The following MERTK variants were observed in gnomAD, a reference collection of about 807,000 sequenced individuals.
MERTK encodes the protein MER proto-oncogene, tyrosine kinase.
Under a neutral mutation model 99.3 loss-of-function variants are expected in MERTK, and 69 were observed. The observed-to-expected ratio is 0.70, with a 90% CI of 0.57 to 0.85. MERTK has a LOEUF of 0.85. Among genes scored for constraint, MERTK ranks in the 40% least tolerant of loss-of-function variants. The probability of loss-of-function intolerance (pLI) is 0.00; values close to 1 mark genes in which losing one functional copy is unlikely to be tolerated. For synonymous variants in MERTK, 426 were observed against 467.6 expected (o/e 0.91, Z 1.15); for missense variants, 1,125 against 1,249.4 (o/e 0.90, Z 1.50).
chr2:111,933,015 C>T (rs1016253366), intron 2 of MERTK, among the ~76,000 whole-genome samples: 6 of 152,134 alleles, frequency 3.9e-5, no homozygotes, highest in African/African-American at 7.2e-5. Context: ...TAGATTTAGG[C>T]GGTTTTTAAT....
At chr2:112,014,211 C>T (rs893872702) in intron 15 of MERTK, among the ~76,000 whole-genome samples, 14 of 152,094 alleles carry the variant, frequency 9.2e-5, no homozygotes, top group African/African-American at 2.2e-4. Flanking sequence ...TTAGTAGAGA[C>T]GGGGTTTCAC....
rs140249054 is a variant in MERTK at position 111,947,436 on chromosome 2, C to T, written c.626C>T (p.Thr209Ile). The change falls in exon 4 of 19, where the codon ACC (threonine) becomes ATC (isoleucine). Residue 209 changes from threonine (T) to isoleucine (I), a missense_variant. Transcript: ENST00000295408. ...AAGCAGCCTGAGAGCATGAATGTCA[C>T]CAGAAACACAGCCTTCAACCTCACC... ...FTKQPESMNV[T>I]RNTAFNLTCQ... is the part of the protein sequence containing the mutation. 6.8e-5 allele frequency: 110 copies of T among 1,614,046 alleles called. No homozygotes were observed. The highest frequency in any genetic ancestry group is 9.2e-5 in the Non-Finnish European group (108 of 1,180,042).
intron 15 of MERTK, among the ~76,000 whole-genome samples, chr2:112,015,564 A>G (rs928856970): frequency 6.6e-6 from 1 of 152,056 alleles, no homozygotes; most frequent in Non-Finnish European, 1.5e-5. Context: ...AGTTCTTTAT[A>G]TGTTCTAAAT....
chr2:111,928,095 T>G (rs1423203176), intron 1 of MERTK, among the ~76,000 whole-genome samples: 1 of 152,204 alleles, frequency 6.6e-6, no homozygotes, highest in Non-Finnish European at 1.5e-5. Context: ...TTTCCAGGTT[T>G]ATTCCAGCAA....
chr2:111,927,294 C>T (rs553171451), intron 1 of MERTK, among the ~76,000 whole-genome samples: 136 of 152,324 alleles, frequency 8.9e-4, no homozygotes, highest in African/African-American at 3.2e-3. Flanking sequence ...ATGGCAAGGG[C>T]TCCCAGACAG....
intron 2 of MERTK, among the ~76,000 whole-genome samples, chr2:111,936,507 G>T (rs1343738034): frequency 6.6e-6 from 1 of 152,152 alleles, no homozygotes; most frequent in Non-Finnish European, 1.5e-5. Flanking sequence ...CCTAGCCTAG[G>T]TGCCCTCTTG....
intron 8 of MERTK, among the ~76,000 whole-genome samples, chr2:111,992,052 C>A (rs549327965): frequency 1.1e-4 from 16 of 152,194 alleles, no homozygotes; most frequent in African/African-American, 3.6e-4. Context: ...TTTTCCCCTG[C>A]CCTCATCCAT....
At chr2:112,018,502 T>C (rs567721143) in intron 15 of MERTK, among the ~76,000 whole-genome samples, 73 of 152,300 alleles carry the variant, frequency 4.8e-4, no homozygotes, top group African/African-American at 1.7e-3. Context: ...ATAAAATCAT[T>C]GAAAATGCAA....
intron 8 of MERTK, among the ~76,000 whole-genome samples, chr2:111,993,972 G>T (rs1001489526): frequency 6.6e-6 from 1 of 152,158 alleles, no homozygotes; most frequent in African/African-American, 2.4e-5. Flanking sequence ...CATCTGCTAC[G>T]TGCTCCCTCT....
chr2:112,003,873 G>A, intron 12 of MERTK, 31 bp from the exon 13 acceptor site: 2 of 1,552,810 alleles, frequency 1.3e-6, no homozygotes, highest in South Asian at 1.1e-5. Flanking sequence ...AGTTTGCACA[G>A]TGTCCATACA....
At chr2:111,974,551 C>T (rs1318715864) in intron 6 of MERTK, among the ~76,000 whole-genome samples, 1 of 152,014 alleles carries the variant, frequency 6.6e-6, no homozygotes, top group African/African-American at 2.4e-5. Flanking sequence ...AGGTGGATCA[C>T]CTGAGGTCAG....
chr2:111,907,320 A>G (rs760508053), intron 1 of MERTK, among the ~76,000 whole-genome samples: 2 of 152,218 alleles, frequency 1.3e-5, no homozygotes, highest in Non-Finnish European at 2.9e-5. Context: ...AGGCTGAGGC[A>G]GAAGAATCAC....
Position 112,029,048 on chromosome 2 carries a change from G to T in MERTK, c.*184G>T, listed in dbSNP as rs1220683435. The T allele has an allele frequency of 4.4e-6, 6 of 1,350,714 alleles. No homozygotes were observed. In the African/African-American group the frequency reaches 8.8e-5, roughly 20 times the overall value. The allele number at this position is 1,350,714 out of a possible 1,614,324, so 83.7% of individuals were successfully genotyped here. A position where few individuals can be genotyped will look rare whatever the true frequency, so the allele number is the denominator to read the frequency against. On this transcript the variant is annotated 3_prime_UTR_variant, in exon 19 of 19. Coordinates refer to ENST00000295408, the MANE Select transcript of MERTK (RefSeq NM_006343.3). ...TACATAATATATATTTATTTAAAGA[G>T]AAAAAATATGTGTATATCATGGAAA...
intron 4 of MERTK, among the ~76,000 whole-genome samples, chr2:111,957,430 C>T (rs1004630965): frequency 6.6e-6 from 1 of 152,134 alleles, no homozygotes; most frequent in African/African-American, 2.4e-5. Context: ...CTACTCTTTC[C>T]TCAGAGGCCA....
At chr2:112,010,763 C>T (rs938966883) in intron 15 of MERTK, among the ~76,000 whole-genome samples, 1 of 152,178 alleles carries the variant, frequency 6.6e-6, no homozygotes, top group African/African-American at 2.4e-5. Flanking sequence ...AAACAGTATC[C>T]TCCTGTTATG....
At chr2:111,926,809 C>G (rs1473695608) in intron 1 of MERTK, among the ~76,000 whole-genome samples, 2 of 152,200 alleles carry the variant, frequency 1.3e-5, no homozygotes, top group Non-Finnish European at 2.9e-5. Flanking sequence ...GACAAACAGC[C>G]AGAACATGCA....
chr2:111,899,022 C>T (rs1470616072), intron 1 of MERTK, among the ~76,000 whole-genome samples: 1 of 152,178 alleles, frequency 6.6e-6, no homozygotes, highest in Non-Finnish European at 1.5e-5. Context: ...CTTGCGGGTG[C>T]GCATCGTGGT....
At chr2:111,907,006 A>C (rs1684149160) in intron 1 of MERTK, among the ~76,000 whole-genome samples, 1 of 151,712 alleles carries the variant, frequency 6.6e-6, no homozygotes, top group South Asian at 2.1e-4. Flanking sequence ...GCCGTTTGGG[A>C]CACAGAGCCT....
chr2:112,021,191 C>T (rs1018293981), intron 16 of MERTK, among the ~76,000 whole-genome samples: 3 of 152,008 alleles, frequency 2.0e-5, no homozygotes, highest in Non-Finnish European at 4.4e-5. Flanking sequence ...CAGGGTGAGA[C>T]TCTATCTCAA....
Sources: gnomAD v4.1 joint callset for allele counts (sites outside exome capture counted in the v4.1 genomes callset) on GRCh38, gnomAD v4.1.1 for gene constraint, MANE v1.5 for transcripts, NCBI Gene and HGNC (gene_info 2026-07-23, HGNC 2026-07-21) for gene names.